Variants in ADGRL4 observed in about 807,000 individuals in gnomAD.
ADGRL4 encodes EGF, latrophilin and seven transmembrane domain containing 1.
A neutral mutation model predicts 74.8 loss-of-function variants in ADGRL4; 90 were observed. That is an observed-to-expected ratio of 1.20 (90% CI 1.02 to 1.43). ADGRL4 has a LOEUF of 1.43. Ranked by LOEUF, ADGRL4 falls within the 40% of genes most tolerant of loss-of-function variation. ADGRL4 has a pLI of 0.00. For synonymous variants in ADGRL4, 311 were observed against 279.2 expected, an observed-to-expected ratio of 1.11 and a Z score of -1.14; for missense variants, 881 against 814.3, an observed-to-expected ratio of 1.08 and a Z score of -1.00.
intron 2 of ADGRL4, among the ~76,000 whole-genome samples, chr1:78,993,100 G>GT (rs1403769700): frequency 1.3e-5 from 2 of 151,904 alleles, no homozygotes; most frequent in African/African-American, 2.4e-5. Context: ...GTTAAAATAC[G>GT]TTTTTTTAAT....
At chr1:78,974,532 T>C (rs975655554) in intron 2 of ADGRL4, among the ~76,000 whole-genome samples, 2 of 152,196 alleles carry the variant, frequency 1.3e-5, no homozygotes, top group Non-Finnish European at 2.9e-5. Flanking sequence ...GCTGCTATAA[T>C]GAAATACCAC....
At chr1:78,892,104 A>G (rs1336908607) in intron 13 of ADGRL4, among the ~76,000 whole-genome samples, 2 of 152,178 alleles carry the variant, frequency 1.3e-5, no homozygotes, top group Non-Finnish European at 2.9e-5. Context: ...AAAAGAAAGT[A>G]TACCATGTGG....
chr1:78,994,086 A>G (rs963996010), intron 2 of ADGRL4, among the ~76,000 whole-genome samples: 2 of 152,194 alleles, frequency 1.3e-5, no homozygotes, highest in Non-Finnish European at 2.9e-5. Context: ...TATTCCTGAA[A>G]ATGTTCACAA....
At chr1:78,910,956 G>A (rs1054679102) in intron 12 of ADGRL4, among the ~76,000 whole-genome samples, 2 of 151,766 alleles carry the variant, frequency 1.3e-5, no homozygotes, top group Non-Finnish European at 2.9e-5. Flanking sequence ...ACATGTTACT[G>A]TTCAAATACC....
intron 2 of ADGRL4, among the ~76,000 whole-genome samples, chr1:78,977,635 T>C (rs929323600): frequency 2.6e-5 from 4 of 151,760 alleles, no homozygotes; most frequent in Non-Finnish European, 5.9e-5. Flanking sequence ...ACCAATGAAA[T>C]AGAACAGAGA....
chr1:78,901,402 G>A (rs555968067), intron 12 of ADGRL4, among the ~76,000 whole-genome samples: 272 of 152,262 alleles, frequency 1.8e-3, no homozygotes, highest in Non-Finnish European at 3.1e-3. Context: ...CTATTGTGGA[G>A]ACTGAATATA....
intron 2 of ADGRL4, among the ~76,000 whole-genome samples, chr1:78,984,245 T>A (rs1650451259): frequency 6.6e-6 from 1 of 151,770 alleles, no homozygotes; most frequent in Non-Finnish European, 1.5e-5. Context: ...AACACCAAAT[T>A]AAAATACTGA....
chr1:78,937,303 G>A (rs1227969240), intron 6 of ADGRL4, among the ~76,000 whole-genome samples: 1 of 152,136 alleles, frequency 6.6e-6, no homozygotes. Flanking sequence ...AAATTAGCCA[G>A]GTGTGCTGGC....
intron 7 of ADGRL4, among the ~76,000 whole-genome samples, chr1:78,929,423 A>C (rs1344057085): frequency 6.6e-6 from 1 of 151,284 alleles, no homozygotes; most frequent in African/African-American, 2.5e-5. Context: ...ATTCAGGTGG[A>C]AGGATCACTG....
chr1:78,923,930 T>C (rs1649056425), intron 8 of ADGRL4, among the ~76,000 whole-genome samples: 1 of 151,642 alleles, frequency 6.6e-6, no homozygotes, highest in Non-Finnish European at 1.5e-5. Context: ...TTGTAGAAAA[T>C]TCCCTAAAAC....
Position 78,915,431 on chromosome 1 carries a change from C to A in ADGRL4, c.1749+2203G>T, listed in dbSNP as rs564560163. ...TAATTTTACTCTTACTATTTTGATT[C>A]CATGCTCTGCAAACTTTTTTGAGTG... On this transcript the variant is annotated intron_variant, in intron 12 of 14. Transcript: ENST00000370742. Among the ~76,000 whole-genome samples, 36 of 152,008 alleles carry A rather than the reference C, an allele frequency of 2.4e-4. No homozygotes were observed. In the East Asian group the frequency reaches 7.0e-3, roughly 30 times the overall value.
At chr1:78,941,112 C>A (rs1649470224) in intron 3 of ADGRL4, among the ~76,000 whole-genome samples, 1 of 152,186 alleles carries the variant, frequency 6.6e-6, no homozygotes, top group South Asian at 2.1e-4. Context: ...TCCTCTATTT[C>A]TAAGTGTATT....
intron 2 of ADGRL4, among the ~76,000 whole-genome samples, chr1:79,001,210 G>GAA: frequency 1.9e-5 from 2 of 105,662 alleles, no homozygotes; most frequent in South Asian, 4.1e-4. Flanking sequence ...AGGAAGGAAG[G>GAA]GAGGAAGGGA....
chr1:78,923,875 A>G (rs1374533365), intron 8 of ADGRL4, among the ~76,000 whole-genome samples: 3 of 151,952 alleles, frequency 2.0e-5, no homozygotes, highest in Admixed American at 2.0e-4. Flanking sequence ...AGGAACAGAA[A>G]AAGAGAGCAG....
At chr1:79,006,172 G>A (rs1490411575) in intron 1 of ADGRL4, among the ~76,000 whole-genome samples, 1 of 152,198 alleles carries the variant, frequency 6.6e-6, no homozygotes, top group African/African-American at 2.4e-5. Context: ...AGATTCTTAA[G>A]TATTCTGTTC....
chr1:78,890,709 C>A lies in ADGRL4; in HGVS notation c.*445G>T. 6.4e-6 allele frequency: 1 copy of A among 156,064 alleles called. No homozygotes were observed. The highest frequency in any genetic ancestry group is 1.4e-5 in the Non-Finnish European group (1 of 70,688). 9.7% of individuals were successfully genotyped at this position (156,064 alleles called of 1,614,324 possible). A position where few individuals can be genotyped will look rare whatever the true frequency, so the allele number is the denominator to read the frequency against. On this transcript the variant is annotated 3_prime_UTR_variant, in exon 15 of 15. Transcript: ENST00000370742. ...CATTCCCTTTTCACTGTTTGATATT[C>A]TGCCCCTTCATTCTCTTATGTTCCA... is the stretch of plus-strand genomic sequence containing the variant.
chr1:78,891,238 G>C lies in ADGRL4; in HGVS notation c.2011-22C>G, dbSNP rs780536142. The C allele has an allele frequency of 7.6e-6, 12 of 1,578,170 alleles. No individual in the cohort carries two copies. The East Asian group carries it at 2.7e-4, about 35-fold the overall frequency. The stretch of plus-strand genomic sequence containing the variant: ...GAATCTAAAAATTAAAAAAAGGAAA[G>C]GAAGAAATGTTAATCATAACAATCA... On this transcript the variant is annotated intron_variant, in intron 14 of 14. Coordinates refer to ENST00000370742, the MANE Select transcript of ADGRL4 (RefSeq NM_022159.4).
intron 2 of ADGRL4, among the ~76,000 whole-genome samples, chr1:78,979,725 A>G (rs79231457): frequency 0.016 from 2,360 of 152,086 alleles, 61 homozygotes; most frequent in African/African-American, 0.054. Flanking sequence ...GCCATAAAAA[A>G]GAAATGAAAT....
chr1:78,964,702 T>C (rs976361815), intron 2 of ADGRL4, among the ~76,000 whole-genome samples: 6 of 152,182 alleles, frequency 3.9e-5, no homozygotes, highest in African/African-American at 1.4e-4. Flanking sequence ...GGTGGGCATC[T>C]ACATGTCCTT....
Sources: gnomAD v4.1 joint callset for allele counts (sites outside exome capture counted in the v4.1 genomes callset) on GRCh38, gnomAD v4.1.1 for gene constraint, MANE v1.5 for transcripts, NCBI Gene and HGNC (gene_info 2026-07-23, HGNC 2026-07-21) for gene names.